ZMAT4: variants seen among roughly 807,000 people sequenced by gnomAD.
The protein encoded by ZMAT4 is zinc finger matrin-type protein 4.
In ZMAT4, 17 loss-of-function variants were observed where a neutral mutation model predicts 28.7. The ratio of observed to expected loss-of-function variants is 0.59; its 90% CI spans 0.41 to 0.89. The LOEUF is 0.89. Ranked by LOEUF, ZMAT4 falls within the 40% of genes least tolerant of loss-of-function variation. The pLI is 0.00. For missense variants in ZMAT4, 240 were observed against 283.8 expected (o/e 0.85, Z 1.11); for synonymous variants, 117 against 109.2 (o/e 1.07, Z -0.44).
intron 5 of ZMAT4, among the ~76,000 whole-genome samples, chr8:40,604,769 A>C (rs1418297547): frequency 6.6e-6 from 1 of 152,154 alleles, no homozygotes; most frequent in Non-Finnish European, 1.5e-5. Flanking sequence ...CTCCTTCTCT[A>C]TCTTTTGGAG....
chr8:40,752,552 G>A (rs568869268), intron 3 of ZMAT4, among the ~76,000 whole-genome samples: 49 of 152,246 alleles, frequency 3.2e-4, no homozygotes, highest in Admixed American at 2.8e-3. Context: ...CCCACTCTCT[G>A]CAGTCATGGA....
intron 3 of ZMAT4, among the ~76,000 whole-genome samples, chr8:40,710,673 T>C (rs1810572677): frequency 6.6e-6 from 1 of 151,984 alleles, no homozygotes; most frequent in African/African-American, 2.4e-5. Flanking sequence ...CTGGAATATC[T>C]TGCCATGCTA....
At chr8:40,738,181 C>T (rs1235162259) in intron 3 of ZMAT4, among the ~76,000 whole-genome samples, 1 of 152,042 alleles carries the variant, frequency 6.6e-6, no homozygotes, top group Non-Finnish European at 1.5e-5. Context: ...GAAGAGGTAC[C>T]AGGTGTTAAC....
intron 3 of ZMAT4, among the ~76,000 whole-genome samples, chr8:40,753,615 G>A (rs1033379039): frequency 6.6e-6 from 1 of 152,122 alleles, no homozygotes; most frequent in South Asian, 2.1e-4. Context: ...CCAGCAATCA[G>A]CACACTGCCT....
intron 6 of ZMAT4, among the ~76,000 whole-genome samples, chr8:40,562,152 C>G (rs1803766390): frequency 6.6e-6 from 1 of 152,188 alleles, no homozygotes; most frequent in African/African-American, 2.4e-5. Context: ...GTCTTCATAT[C>G]AGGTCTGCTT....
chr8:40,634,592 T>C (rs1806722533), intron 5 of ZMAT4, among the ~76,000 whole-genome samples: 1 of 152,200 alleles, frequency 6.6e-6, no homozygotes, highest in African/African-American at 2.4e-5. Flanking sequence ...ATCCTACATG[T>C]AATTAAGAGG....
At chr8:40,783,746 C>T (rs1299529504) in intron 2 of ZMAT4, among the ~76,000 whole-genome samples, 1 of 152,072 alleles carries the variant, frequency 6.6e-6, no homozygotes, top group Non-Finnish European at 1.5e-5. Flanking sequence ...CACAGTGGCT[C>T]ACGCTTGTAA....
chr8:40,681,292 T>C (rs1394030357), intron 4 of ZMAT4, among the ~76,000 whole-genome samples: 1 of 152,216 alleles, frequency 6.6e-6, no homozygotes, highest in Admixed American at 6.5e-5. Flanking sequence ...GGCTTCAACA[T>C]CTGCTCCCAG....
chr8:40,649,805 C>A (rs1807546470), intron 5 of ZMAT4, among the ~76,000 whole-genome samples: 1 of 152,080 alleles, frequency 6.6e-6, no homozygotes, highest in South Asian at 2.1e-4. Context: ...GGAAACTGAA[C>A]AACCTGCTCC....
intron 2 of ZMAT4, among the ~76,000 whole-genome samples, chr8:40,792,135 T>C (rs1814355011): frequency 6.6e-6 from 1 of 152,206 alleles, no homozygotes; most frequent in African/African-American, 2.4e-5. Context: ...TATGTTTCAC[T>C]TTCAATATTC....
chr8:40,699,467 G>A (rs553435428), intron 3 of ZMAT4, among the ~76,000 whole-genome samples: 16 of 150,528 alleles, frequency 1.1e-4, no homozygotes, highest in Non-Finnish European at 2.1e-4. Flanking sequence ...CTACCCAAAG[G>A]AAAAAAAAAT....
chr8:40,561,197 C>T (rs977596860), intron 6 of ZMAT4, among the ~76,000 whole-genome samples: 3 of 152,046 alleles, frequency 2.0e-5, no homozygotes, highest in Admixed American at 1.3e-4. Flanking sequence ...AAAATGGAAA[C>T]ATCTTAAGTT....
intron 3 of ZMAT4, among the ~76,000 whole-genome samples, chr8:40,750,696 A>G (rs1014903798): frequency 1.3e-5 from 2 of 152,220 alleles, no homozygotes; most frequent in African/African-American, 4.8e-5. Context: ...AGACACCTGA[A>G]AAAAAGAAAC....
At chr8:40,858,099 CTG>C (rs1817359777) in intron 1 of ZMAT4, among the ~76,000 whole-genome samples, 1 of 152,176 alleles carries the variant, frequency 6.6e-6, no homozygotes, top group African/African-American at 2.4e-5. Flanking sequence ...TCAAAGCTCA[CTG>C]AGCTCTACAC....
intron 3 of ZMAT4, among the ~76,000 whole-genome samples, chr8:40,763,524 C>T (rs550144853): frequency 1.2e-4 from 19 of 152,066 alleles, no homozygotes; most frequent in Admixed American, 5.2e-4. Context: ...TTTACCCTGC[C>T]CAGAACAACA....
At chr8:40,749,112 G>C (rs1208509965) in intron 3 of ZMAT4, among the ~76,000 whole-genome samples, 2 of 152,108 alleles carry the variant, frequency 1.3e-5, no homozygotes, top group African/African-American at 4.8e-5. Context: ...GGCCTCCCCA[G>C]CCATATAGAA....
intron 6 of ZMAT4, among the ~76,000 whole-genome samples, chr8:40,573,202 T>C (rs914245842): frequency 1.3e-5 from 2 of 152,126 alleles, no homozygotes; most frequent in Non-Finnish European, 2.9e-5. Context: ...CTTAGTAAAA[T>C]GTGTCTAAAG....
At chr8:40,656,472 T>G (rs1807927088) in intron 5 of ZMAT4, among the ~76,000 whole-genome samples, 1 of 152,088 alleles carries the variant, frequency 6.6e-6, no homozygotes. Flanking sequence ...ATAGCATATA[T>G]CCACACAAAA....
chr8:40,601,605 A>G (rs1424295114), intron 5 of ZMAT4, among the ~76,000 whole-genome samples: 2 of 8,066 alleles, frequency 2.5e-4, no homozygotes, highest in African/African-American at 5.9e-4. Context: ...AAAGAAAGAA[A>G]GAAAGAAAGA....
Sources: gnomAD v4.1 joint callset for allele counts (sites outside exome capture counted in the v4.1 genomes callset) on GRCh38, gnomAD v4.1.1 for gene constraint, MANE v1.5 for transcripts, NCBI Gene and HGNC (gene_info 2026-07-23, HGNC 2026-07-21) for gene names.